The following AFF3 variants were observed in gnomAD, a reference collection of about 807,000 sequenced individuals.
AFF3 encodes AF4/FMR2 family member 3.
Under a neutral mutation model 129.7 loss-of-function variants are expected in AFF3, and 32 were observed. The observed-to-expected ratio is 0.25, with a 90% CI of 0.19 to 0.33. The LOEUF is 0.33. AFF3 is among the 10% of genes least tolerant of loss of function. The pLI, the probability that AFF3 is intolerant of heterozygous loss-of-function variation, is 1.00. For synonymous variants in AFF3, 644 were observed against 635.4 expected (o/e 1.01, Z -0.20); for missense variants, 1,373 against 1,592.0 (o/e 0.86, Z 2.34).
chr2:99,627,299 G>A (rs900802524), intron 13 of AFF3, among the ~76,000 whole-genome samples: 3 of 151,694 alleles, frequency 2.0e-5, no homozygotes, highest in African/African-American at 7.3e-5. Context: ...TCTCAGTGTC[G>A]TTTTGATTTG....
At chr2:99,805,857 A>G (rs1334853778) in intron 8 of AFF3, among the ~76,000 whole-genome samples, 8 of 110,958 alleles carry the variant, frequency 7.2e-5, no homozygotes, top group Non-Finnish European at 1.3e-4. Flanking sequence ...CACACGATGA[A>G]GGAACATTTG....
At chr2:99,946,818 A>C (rs551027961) in intron 7 of AFF3, among the ~76,000 whole-genome samples, 1 of 152,352 alleles carries the variant, frequency 6.6e-6, no homozygotes, top group Non-Finnish European at 1.5e-5. Context: ...AGTATCTCAG[A>C]CATCTCTGCA....
rs1674338941 is a variant in AFF3, at chr2:99,550,606, C to T, written c.*868G>A. Reference sequence around the variant, plus strand: ...GTCACAGTGGCAGGAAGAAGAAATGCATGTGGCTGGTGGGCTTGTTATCAC... The same window carrying T: ...GTCACAGTGGCAGGAAGAAGAAATGTATGTGGCTGGTGGGCTTGTTATCAC... On this transcript the variant is annotated 3_prime_UTR_variant, in exon 25 of 25. Transcript: ENST00000672756. The T allele has an allele frequency of 4.3e-6, 1 of 232,688 alleles. No homozygotes were observed. The highest frequency in any genetic ancestry group is 2.2e-5 in the African/African-American group (1 of 45,316). The allele number at this position is 232,688 out of a possible 1,614,324, so 14.4% of individuals were successfully genotyped here. A position where few individuals can be genotyped will look rare whatever the true frequency, so the allele number is the denominator to read the frequency against.
At chr2:100,051,790 G>A (rs1487289999) in intron 4 of AFF3, among the ~76,000 whole-genome samples, 1 of 152,212 alleles carries the variant, frequency 6.6e-6, no homozygotes, top group Non-Finnish European at 1.5e-5. Flanking sequence ...AGCAGGCTAA[G>A]TTTCAGCAAA....
At chr2:99,947,276 AC>A (rs1675662169) in intron 7 of AFF3, among the ~76,000 whole-genome samples, 2 of 152,088 alleles carry the variant, frequency 1.3e-5, no homozygotes, top group African/African-American at 4.8e-5. Flanking sequence ...CCCCGTCTCT[AC>A]TAAAAATACA....
intron 4 of AFF3, among the ~76,000 whole-genome samples, chr2:100,063,921 A>C (rs1821829): frequency 0.53 from 79,520 of 151,406 alleles, 21,455 homozygotes; most frequent in African/African-American, 0.64. Flanking sequence ...GAAACCCCAT[A>C]TCTACTAAAA....
intron 7 of AFF3, among the ~76,000 whole-genome samples, chr2:99,959,440 T>TTTTCTA (rs1559011589): frequency 6.6e-6 from 1 of 151,350 alleles, no homozygotes; most frequent in Non-Finnish European, 1.5e-5. Flanking sequence ...AGTCTAGTTT[T>TTTTCTA]GGCTGGAAAA....
At chr2:100,023,838 C>A (rs1330245821) in intron 4 of AFF3, among the ~76,000 whole-genome samples, 1 of 152,198 alleles carries the variant, frequency 6.6e-6, no homozygotes, top group Non-Finnish European at 1.5e-5. Context: ...GAAAGAAACA[C>A]TATTTCTCCA....
intron 8 of AFF3, among the ~76,000 whole-genome samples, chr2:99,781,675 C>T (rs974100528): frequency 6.6e-6 from 1 of 152,156 alleles, no homozygotes; most frequent in Non-Finnish European, 1.5e-5. Context: ...AAAACGTTTG[C>T]TGGCTCGTTT....
At chr2:99,966,806 CATA>C (rs1350133034) in intron 7 of AFF3, among the ~76,000 whole-genome samples, 4 of 143,676 alleles carry the variant, frequency 2.8e-5, no homozygotes, top group Non-Finnish European at 4.5e-5. Flanking sequence ...AAATCTTTAT[CATA>C]ATATTTATGA....
At chr2:99,725,366 T>A (rs1679282149) in intron 11 of AFF3, among the ~76,000 whole-genome samples, 1 of 152,104 alleles carries the variant, frequency 6.6e-6, no homozygotes, top group Non-Finnish European at 1.5e-5. Context: ...TTTTTATTTA[T>A]TATTTTTGAG....
At chr2:99,573,148 T>C (rs1396452648) in intron 18 of AFF3, among the ~76,000 whole-genome samples, 8 of 152,174 alleles carry the variant, frequency 5.3e-5, no homozygotes, top group Admixed American at 1.3e-4. Context: ...TTTAAAATAA[T>C]CTTACAAAAC....
intron 9 of AFF3, among the ~76,000 whole-genome samples, chr2:99,748,770 ATATT>A (rs1410120108): frequency 3.9e-5 from 6 of 152,236 alleles, no homozygotes; most frequent in Non-Finnish European, 8.8e-5. Flanking sequence ...CAAACCGTAC[ATATT>A]TAAAGTTAAC....
chr2:99,643,505 C>CT (rs933884701), intron 13 of AFF3, among the ~76,000 whole-genome samples: 8 of 152,104 alleles, frequency 5.3e-5, no homozygotes, highest in Admixed American at 2.6e-4. Flanking sequence ...GCTCCACCTC[C>CT]TTTTTTTTGA....
chr2:100,084,008 G>A (rs1334266977), intron 4 of AFF3, among the ~76,000 whole-genome samples: 7 of 152,038 alleles, frequency 4.6e-5, no homozygotes, highest in Admixed American at 4.6e-4. Context: ...CTTGCCCACA[G>A]TGCCATTAGC....
Position 99,822,597 on chromosome 2 carries a change from T to A in AFF3, c.921+14880A>T, listed in dbSNP as rs143274590. Among the ~76,000 whole-genome samples the A allele has an allele frequency of 7.7e-4, 117 of 152,230 alleles. 5 individuals are homozygous for A. The East Asian group carries it at 0.021, about 27-fold the overall frequency. Reference sequence around the variant, plus strand: ...GTCCCCTGCTTATTCTTAACAAATCTCTCTTTGTGTTCTTTTGTGCTGAAG... The same window carrying A: ...GTCCCCTGCTTATTCTTAACAAATCACTCTTTGTGTTCTTTTGTGCTGAAG... On this transcript the variant is annotated intron_variant, in intron 8 of 24. Transcript: ENST00000672756.
chr2:99,882,675 C>T (rs915379676), intron 7 of AFF3, among the ~76,000 whole-genome samples: 1 of 152,216 alleles, frequency 6.6e-6, no homozygotes. Flanking sequence ...CACTGGCCAT[C>T]CTGTTCCAGT....
At chr2:99,908,315 C>T (rs1019523639) in intron 7 of AFF3, among the ~76,000 whole-genome samples, 6 of 152,076 alleles carry the variant, frequency 3.9e-5, no homozygotes, top group Non-Finnish European at 8.8e-5. Context: ...ACACCTTATA[C>T]AAAAATTAAT....
chr2:99,924,885 T>G (rs1696114214), intron 7 of AFF3, among the ~76,000 whole-genome samples: 1 of 151,974 alleles, frequency 6.6e-6, no homozygotes, highest in African/African-American at 2.4e-5. Context: ...TAATTTTTTT[T>G]TTTTTTTTGA....
Sources: allele counts gnomAD v4.1 joint callset (sites outside exome capture counted in the v4.1 genomes callset), GRCh38; gene constraint gnomAD v4.1.1; transcripts MANE v1.5; gene names NCBI Gene and HGNC (gene_info 2026-07-23, HGNC 2026-07-21).